Variants in FSIP2 observed in about 807,000 individuals in gnomAD.
FSIP2 encodes fibrous sheath-interacting protein 2.
A neutral mutation model predicts 510.5 loss-of-function variants in FSIP2; 367 were observed. That is an observed-to-expected ratio of 0.72 (90% CI 0.66 to 0.78). FSIP2 has a LOEUF of 0.78. FSIP2 is among the 30% of genes least tolerant of loss of function. The pLI, the probability that FSIP2 is intolerant of heterozygous loss-of-function variation, is 0.00. For missense variants in FSIP2, 7,594 were observed against 7,901.7 expected, an observed-to-expected ratio of 0.96 and a Z score of 1.48; for synonymous variants, 2,601 against 2,732.2, an observed-to-expected ratio of 0.95 and a Z score of 1.50.
rs569622525 is a variant in FSIP2 at position 185,743,179 on chromosome 2, G to A, written c.272G>A (p.Arg91Gln). Residue 91 changes from arginine (R) to glutamine (Q), a missense_variant, in exon 3 of 23, where the codon CGA becomes CAA. Arg to Gln is a conservative substitution (Grantham distance 43). Transcript: ENST00000424728. Reference sequence around the variant, plus strand: ...TTTAACCTGACTGATCCCTATTGTCGACTTTTGGAAAACCAATATAAAAGC... The same window carrying A: ...TTTAACCTGACTGATCCCTATTGTCAACTTTTGGAAAACCAATATAAAAGC... ...YGFNLTDPYC[R>Q]LLENQYKSLH... The A allele has an allele frequency of 3.7e-5, 56 of 1,524,670 alleles. No homozygotes were observed. The highest frequency in any genetic ancestry group is 2.2e-4 in the East Asian group (9 of 40,260). 94.4% of individuals were successfully genotyped at this position (1,524,670 alleles called of 1,614,324 possible). A position where few individuals can be genotyped will look rare whatever the true frequency, so the allele number is the denominator to read the frequency against.
In FSIP2 at chr2:185,790,045, A is replaced by C; in HGVS notation, c.2909A>C (p.Glu970Ala). Residue 970 changes from glutamate (E) to alanine (A), a missense_variant, in exon 16 of 23, where the codon GAA becomes GCA. Transcript: ENST00000424728. The stretch of plus-strand genomic sequence containing the variant: ...ATAAGTAGTCCTTCTGACACCAAAG[A>C]AAAGTACAGACTCACTGGCACTAGA... ...PRISSPSDTKEKYRLTGTRLS... is the reference protein window; with the variant it reads ...PRISSPSDTKAKYRLTGTRLS... 5 of 1,533,698 alleles carry C rather than the reference A, an allele frequency of 3.3e-6. No individual in the cohort carries two copies. Among genetic ancestry groups the C allele is most frequent in the Non-Finnish European group, 4.4e-6 (5 of 1,145,396 alleles).
intron 19 of FSIP2, among the ~76,000 whole-genome samples, chr2:185,817,075 A>C (rs2105672480): frequency 6.6e-6 from 1 of 152,102 alleles, no homozygotes; most frequent in Admixed American, 6.6e-5. Context: ...TAGTTAAAAA[A>C]AATCTGTGAA....
chr2:185,792,173 T>G lies in FSIP2; in HGVS notation c.5037T>G (p.Leu1679=). 1 of 1,532,340 alleles carries G rather than the reference T, an allele frequency of 6.5e-7. No homozygotes were observed. 94.9% of individuals were successfully genotyped at this position (1,532,340 alleles called of 1,614,324 possible). A position where few individuals can be genotyped will look rare whatever the true frequency, so the allele number is the denominator to read the frequency against. ...VENPPPETQI[L]KYVVKLILDA... ...ACCCACCACCTGAGACTCAAATACT[T>G]AAGTATGTAGTCAAGTTAATTTTAG... is the stretch of plus-strand genomic sequence containing the variant. The change falls in exon 16 of 23, where the codon CTT becomes CTG. Residue 1679 remains leucine (L), a synonymous_variant. Transcript: ENST00000424728.
chr2:185,786,640 T>C (rs79890081), intron 15 of FSIP2, among the ~76,000 whole-genome samples: 72 of 152,034 alleles, frequency 4.7e-4, no homozygotes, highest in African/African-American at 1.6e-3. Context: ...ATCTTGCTGG[T>C]GAACTCAGTA....
intron 6 of FSIP2, among the ~76,000 whole-genome samples, 187 bp from the exon 7 acceptor site, chr2:185,747,126 A>C (rs1036213349): frequency 6.6e-6 from 1 of 152,126 alleles, no homozygotes; most frequent in Non-Finnish European, 1.5e-5. Context: ...AAAAAGTATC[A>C]TATTTGCATT....
At chr2:185,833,024 G>T in intron 22 of FSIP2, 66 bp from the exon 23 acceptor site, 1 of 1,434,358 alleles carries the variant, frequency 7.0e-7, no homozygotes, top group Non-Finnish European at 9.8e-7. Flanking sequence ...TATGACCTTA[G>T]GCAAGGTATT....
chr2:185,815,702 A>C (rs2287605), intron 19 of FSIP2, among the ~76,000 whole-genome samples: 82,169 of 151,710 alleles, frequency 0.54, 22,518 homozygotes, highest in South Asian at 0.64. Context: ...ACCAGTTTCT[A>C]GTGTATCAGT....
At chr2:185,751,219 A>G (rs1186836671) in intron 7 of FSIP2, among the ~76,000 whole-genome samples, 1 of 151,458 alleles carries the variant, frequency 6.6e-6, no homozygotes, top group Non-Finnish European at 1.5e-5. Flanking sequence ...TTTGTCTAGT[A>G]TCTCAGTTTT....
intron 7 of FSIP2, among the ~76,000 whole-genome samples, chr2:185,750,048 A>G (rs376602071): frequency 6.6e-6 from 1 of 151,840 alleles, no homozygotes; most frequent in African/African-American, 2.4e-5. Flanking sequence ...ATCATTTTAC[A>G]TATTGTTGTA....
chr2:185,805,631 C>T lies in FSIP2; in HGVS notation c.16325C>T (p.Pro5442Leu). 1 of 1,608,938 alleles carries T rather than the reference C, an allele frequency of 6.2e-7. No individual in the cohort carries two copies. The highest frequency in any genetic ancestry group is 8.5e-7 in the Non-Finnish European group (1 of 1,177,916). The change falls in exon 17 of 23, where the codon CCA becomes CTA. Residue 5442 changes from proline to leucine, a missense_variant. By Grantham distance (98) the Pro-to-Leu change is moderately conservative. Transcript: ENST00000424728. ...GCAAAAGAGAACCAACTTTCTTTAC[C>T]AGATCAATCATATAAAGATACTTCT... ...RCAKENQLSLPDQSYKDTSST... is the reference protein window; with the variant it reads ...RCAKENQLSLLDQSYKDTSST...
chr2:185,776,779 G>A (rs966147184), intron 13 of FSIP2, among the ~76,000 whole-genome samples: 27 of 152,110 alleles, frequency 1.8e-4, no homozygotes, highest in African/African-American at 6.5e-4. Flanking sequence ...TGTTGCCCAG[G>A]CTGGAGTTGC....
Position 185,742,709 on chromosome 2 carries a change from G to A in FSIP2, c.226-424G>A, listed in dbSNP as rs539616918. Among the ~76,000 whole-genome samples, 6 of 152,264 alleles carry A rather than the reference G, an allele frequency of 3.9e-5. No individual in the cohort carries two copies. In the East Asian group the frequency reaches 1.2e-3, roughly 29 times the overall value. On this transcript the variant is annotated intron_variant, in intron 2 of 22. Coordinates refer to ENST00000424728, the MANE Select transcript of FSIP2 (RefSeq NM_173651.4). ...ATTTTGTTATTTTTGTTCATTTTAA[G>A]ATGATTGAAATATAATCATAATTAC... is the stretch of plus-strand genomic sequence containing the variant.
chr2:185,763,479 A>C (rs1367464510), intron 12 of FSIP2, among the ~76,000 whole-genome samples, 190 bp downstream of exon 12: 2 of 151,624 alleles, frequency 1.3e-5, no homozygotes, highest in Non-Finnish European at 3.0e-5. Flanking sequence ...ACAAGATGTT[A>C]GTTCATGGTA....
intron 17 of FSIP2, among the ~76,000 whole-genome samples, chr2:185,812,889 A>T (rs1156361911): frequency 6.6e-6 from 1 of 152,078 alleles, no homozygotes; most frequent in Non-Finnish European, 1.5e-5. Context: ...AGATTCTGTG[A>T]CGTGGTCAAA....
rs1418531286 is a variant in FSIP2 at position 185,791,605 on chromosome 2, A to G, written c.4469A>G (p.Tyr1490Cys). 6.5e-6 allele frequency: 10 copies of G among 1,534,102 alleles called. No homozygotes were observed. The highest frequency in any genetic ancestry group is 2.4e-5 in the East Asian group (1 of 40,864). ...TTAATTTCTAAAGCAATTTTGGATT[A>G]TATCCTTGCAAAATTATGTGGTGTT... ...IQLISKAILD[Y>C]ILAKLCGVDM... is the part of the protein sequence containing the mutation. Residue 1490 changes from tyrosine to cysteine, a missense_variant, in exon 16 of 23, where the codon TAT becomes TGT. Coordinates refer to ENST00000424728, the MANE Select transcript of FSIP2 (RefSeq NM_173651.4).
rs1486469102 is a variant in FSIP2, at chr2:185,794,131, G to T, written c.6995G>T (p.Gly2332Val). 6.5e-7 allele frequency: 1 copy of T among 1,532,338 alleles called. No individual in the cohort carries two copies. The highest frequency in any genetic ancestry group is 2.0e-5 in the Admixed American group (1 of 50,640). 94.9% of individuals were successfully genotyped at this position (1,532,338 alleles called of 1,614,324 possible). A position where few individuals can be genotyped will look rare whatever the true frequency, so the allele number is the denominator to read the frequency against. Reference sequence around the variant, plus strand: ...GAGCTTACAGATTTCACTTTTGTTGGTCGCAGAGAAAAACTTGGATCCACA... The same window carrying T: ...GAGCTTACAGATTTCACTTTTGTTGTTCGCAGAGAAAAACTTGGATCCACA... Reference protein sequence around the residue: ...SQELTDFTFVGRREKLGSTIH... With the variant: ...SQELTDFTFVVRREKLGSTIH... Residue 2332 changes from glycine to valine, a missense_variant, in exon 16 of 23, where the codon GGT becomes GTT. Transcript: ENST00000424728.
chr2:185,763,672 A>G (rs1307896824), intron 12 of FSIP2, among the ~76,000 whole-genome samples: 1 of 151,624 alleles, frequency 6.6e-6, no homozygotes, highest in Middle Eastern at 3.2e-3. Context: ...AACTTGTTAC[A>G]GGAATCAAAC....
Position 185,806,965 on chromosome 2 carries a change from G to A in FSIP2, c.17659G>A (p.Ala5887Thr), listed in dbSNP as rs772847866. The change falls in exon 17 of 23, where the codon GCA becomes ACA. Residue 5887 changes from alanine to threonine, a missense_variant. By Grantham distance (58) the Ala-to-Thr change is moderately conservative. Coordinates refer to ENST00000424728, the MANE Select transcript of FSIP2 (RefSeq NM_173651.4). Reference sequence around the variant, plus strand: ...ACCATCCAGCATTAAGATAAAATCTGCAGATAAAATGCCACCTATGCATAA... The same window carrying A: ...ACCATCCAGCATTAAGATAAAATCTACAGATAAAATGCCACCTATGCATAA... The part of the protein sequence containing the change: ...EAPSSIKIKS[A>T]DKMPPMHKMM... 7 of 1,610,874 alleles carry A rather than the reference G, an allele frequency of 4.3e-6. No homozygotes were observed. Among genetic ancestry groups the A allele is most frequent in the African/African-American group, 1.3e-5 (1 of 74,708 alleles).
At chr2:185,765,809 T>TTTTATTTCC (rs1173439245) in intron 13 of FSIP2, 1 of 151,994 alleles carries the variant, frequency 6.6e-6, no homozygotes, top group African/African-American at 2.4e-5. Flanking sequence ...TTGTATCCTC[T>TTTTATTTCC]TTTATTTCCT....
Sources: allele counts gnomAD v4.1 joint callset (sites outside exome capture counted in the v4.1 genomes callset), GRCh38; gene constraint gnomAD v4.1.1; transcripts MANE v1.5; gene names NCBI Gene and HGNC (gene_info 2026-07-23, HGNC 2026-07-21).